CHSY3: variants seen among roughly 807,000 people sequenced by gnomAD.
The protein encoded by CHSY3 is chondroitin sulfate synthase 3.
CHSY3 carries 35 observed loss-of-function variants against 67.2 expected under a neutral mutation model. The observed-to-expected ratio is 0.52, with a 90% CI of 0.40 to 0.69. The LOEUF (loss-of-function observed/expected upper bound fraction) is 0.69, where lower values mean the gene tolerates loss of function less well. Among genes scored for constraint, CHSY3 ranks in the 30% least tolerant of loss-of-function variants. The pLI, the probability that CHSY3 is intolerant of heterozygous loss-of-function variation, is 0.00. For missense variants in CHSY3, 1,069 were observed against 1,138.5 expected (o/e 0.94, Z 0.88); for synonymous variants, 474 against 434.7 (o/e 1.09, Z -1.12).
chr5:130,150,832 G>A (rs1007440499), intron 2 of CHSY3, among the ~76,000 whole-genome samples: 3 of 152,088 alleles, frequency 2.0e-5, no homozygotes, highest in African/African-American at 7.2e-5. Context: ...AAAACTTGCA[G>A]TTTTATTTGT....
intron 2 of CHSY3, among the ~76,000 whole-genome samples, chr5:129,984,354 A>G (rs1254914060): frequency 1.3e-5 from 2 of 152,110 alleles, no homozygotes; most frequent in African/African-American, 2.4e-5. Flanking sequence ...TGCAAAGGAT[A>G]TGATCTCATT....
chr5:129,930,135 C>A (rs1416279504), intron 2 of CHSY3, among the ~76,000 whole-genome samples: 1 of 151,974 alleles, frequency 6.6e-6, no homozygotes, highest in Non-Finnish European at 1.5e-5. Flanking sequence ...GGAGTTGAGA[C>A]CATCCTGGCC....
intron 2 of CHSY3, among the ~76,000 whole-genome samples, chr5:130,089,389 T>G (rs1437479143): frequency 2.6e-5 from 4 of 151,586 alleles, no homozygotes; most frequent in African/African-American, 4.8e-5. Context: ...AAAATAAAAA[T>G]TAAAAATAAA....
At chr5:130,100,350 ATTT>A (rs3065055) in intron 2 of CHSY3, among the ~76,000 whole-genome samples, 5,779 of 131,638 alleles carry the variant, frequency 0.044, 346 homozygotes, top group African/African-American at 0.14. Context: ...ATGCTTGGCT[ATTT>A]TTTTTTTTTT....
intron 2 of CHSY3, among the ~76,000 whole-genome samples, chr5:130,007,107 C>T (rs1763899400): frequency 6.6e-6 from 1 of 152,138 alleles, no homozygotes; most frequent in South Asian, 2.1e-4. Context: ...TCTTAATGTA[C>T]ATAAACAAAA....
intron 2 of CHSY3, chr5:130,140,918 C>A: frequency 1.3e-6 from 1 of 787,218 alleles, no homozygotes; most frequent in Non-Finnish European, 1.6e-6. Context: ...CTCCATTTTC[C>A]ATGCCTTATT....
intron 2 of CHSY3, among the ~76,000 whole-genome samples, chr5:129,969,253 A>G (rs114516685): frequency 3.3e-3 from 502 of 151,976 alleles, no homozygotes; most frequent in African/African-American, 0.012. Flanking sequence ...CTAGGGTTAA[A>G]TAAGTTGGTA....
intron 2 of CHSY3, among the ~76,000 whole-genome samples, chr5:130,038,440 G>A (rs900871922): frequency 6.6e-6 from 1 of 152,086 alleles, no homozygotes; most frequent in Non-Finnish European, 1.5e-5. Context: ...TTTAAATAGA[G>A]GCTTGATAAA....
At chr5:130,080,571 G>A (rs1766414611) in intron 2 of CHSY3, among the ~76,000 whole-genome samples, 1 of 152,034 alleles carries the variant, frequency 6.6e-6, no homozygotes, top group African/African-American at 2.4e-5. Context: ...GTAACTCTTG[G>A]AAAATAATCA....
At chr5:129,995,273 C>T (rs949203611) in intron 2 of CHSY3, among the ~76,000 whole-genome samples, 3 of 151,890 alleles carry the variant, frequency 2.0e-5, no homozygotes, top group African/African-American at 7.2e-5. Context: ...CCATTTTATA[C>T]AAATGATGTA....
chr5:130,076,090 A>C (rs1766239731), intron 2 of CHSY3, among the ~76,000 whole-genome samples: 1 of 151,630 alleles, frequency 6.6e-6, no homozygotes, highest in African/African-American at 2.4e-5. Context: ...TAACCTGACT[A>C]CTCTCCACTG....
chr5:130,147,996 C>T lies in CHSY3; in HGVS notation c.1087-36233C>T, dbSNP rs557775322. On this transcript the variant is annotated intron_variant, in intron 2 of 2. Coordinates refer to ENST00000305031, the MANE Select transcript of CHSY3 (RefSeq NM_175856.5). ...CCATGGTTATTTTTCCTGATCCCCTCCCTCCTCCCACCCTCCATACTCCTG... is the reference window on the plus strand; with the variant it reads ...CCATGGTTATTTTTCCTGATCCCCTTCCTCCTCCCACCCTCCATACTCCTG... Among the ~76,000 whole-genome samples, 7 of 152,166 alleles carry T rather than the reference C, an allele frequency of 4.6e-5. No homozygotes were observed. In the East Asian group the frequency reaches 1.4e-3, roughly 29 times the overall value.
At chr5:130,136,059 G>A (rs2149716355) in intron 2 of CHSY3, among the ~76,000 whole-genome samples, 1 of 152,328 alleles carries the variant, frequency 6.6e-6, no homozygotes, top group East Asian at 1.9e-4. Context: ...CAAGCGAAGT[G>A]TTTAAGACAA....
At chr5:129,919,782 T>TAG (rs1760857723) in intron 2 of CHSY3, among the ~76,000 whole-genome samples, 1 of 152,228 alleles carries the variant, frequency 6.6e-6, no homozygotes, top group Admixed American at 6.5e-5. Flanking sequence ...ATGACACTGA[T>TAG]TTGTATAACT....
intron 2 of CHSY3, among the ~76,000 whole-genome samples, chr5:129,951,834 A>G (rs1762032287): frequency 6.7e-6 from 1 of 149,632 alleles, no homozygotes; most frequent in African/African-American, 2.4e-5. Context: ...GGTATGTAAT[A>G]TTTTTTTAAA....
Position 130,184,471 on chromosome 5 carries a change from C to A in CHSY3, c.1329C>A (p.Asp443Glu). 6.2e-7 allele frequency: 1 copy of A among 1,613,308 alleles called. No individual in the cohort carries two copies. Among genetic ancestry groups the A allele is most frequent in the Non-Finnish European group, 8.5e-7 (1 of 1,179,290 alleles). ...GTAACACAGAAGTGAGCAAAGAGGACCAGCAGCTGGGAGTGATACCTTCTT... is the reference window on the plus strand; with the variant it reads ...GTAACACAGAAGTGAGCAAAGAGGAACAGCAGCTGGGAGTGATACCTTCTT... ...KLSNTEVSKE[D>E]QQLGVIPSFN... Residue 443 changes from aspartate (D) to glutamate (E), a missense_variant, in exon 3 of 3, where the codon GAC becomes GAA. Around this residue, in one of 5 missense-constraint regions of CHSY3, gnomAD observed 401 missense variants for 395.2 expected, o/e 1.01. Transcript: ENST00000305031.
chr5:130,027,703 T>C (rs1580663712), intron 2 of CHSY3, among the ~76,000 whole-genome samples: 3 of 150,222 alleles, frequency 2.0e-5, no homozygotes, highest in African/African-American at 4.9e-5. Flanking sequence ...TTCCCACCTA[T>C]GAGTGAGAAC....
intron 2 of CHSY3, among the ~76,000 whole-genome samples, chr5:129,980,307 T>C (rs1207250793): frequency 4.6e-5 from 7 of 152,226 alleles, no homozygotes; most frequent in Admixed American, 3.9e-4. Flanking sequence ...CATTCTTGTT[T>C]TAATTTGTAT....
At position 130,185,298 on chromosome 5, in the gene CHSY3, T is replaced by A; in HGVS notation, c.2156T>A (p.Val719Asp). Residue 719 changes from valine (V) to aspartate (D), a missense_variant, in exon 3 of 3, where the codon GTT (valine) becomes GAT (aspartate). By Grantham distance (152) the Val-to-Asp change is radical (BLOSUM62 -3). Coordinates refer to ENST00000305031, the MANE Select transcript of CHSY3 (RefSeq NM_175856.5). ...GACACTTTGCTGCTATTTTGTGATG[T>A]TGACTTGATCTTCAGAGAAGATTTT... ...DNDTLLLFCD[V>D]DLIFREDFLQ... 3 of 1,612,302 alleles carry A rather than the reference T, an allele frequency of 1.9e-6. No homozygotes were observed. The highest frequency in any genetic ancestry group is 4.5e-5 in the East Asian group (2 of 44,866).
Sources: gnomAD v4.1 joint callset for allele counts (sites outside exome capture counted in the v4.1 genomes callset) on GRCh38, gnomAD v4.1.1 for gene constraint, gnomAD v4.1.1 regional missense constraint, MANE v1.5 for transcripts, NCBI Gene and HGNC (gene_info 2026-07-23, HGNC 2026-07-21) for gene names.